Variants in SLC2A5 observed in about 807,000 individuals in gnomAD.
SLC2A5 encodes the protein solute carrier family 2 member 5, also known as solute carrier family 2, facilitated glucose transporter member 5.
SLC2A5 carries 56 observed loss-of-function variants against 50.3 expected under a neutral mutation model. The observed-to-expected ratio is 1.11, with a 90% CI of 0.90 to 1.39. The LOEUF (loss-of-function observed/expected upper bound fraction) is 1.39, where lower values mean the gene tolerates loss of function less well. Among genes scored for constraint, SLC2A5 ranks in the 40% most tolerant of loss-of-function variants. The pLI is 0.00. For missense variants in SLC2A5, 566 were observed against 650.1 expected, an observed-to-expected ratio of 0.87 and a Z score of 1.41; for synonymous variants, 269 against 281.9, an observed-to-expected ratio of 0.95 and a Z score of 0.46.
rs951646517 is a variant in SLC2A5 at position 9,063,991 on chromosome 1, G to A, written c.33+5513C>T. On this transcript the variant is annotated intron_variant, in intron 1 of 11. Coordinates refer to ENST00000377424, the MANE Select transcript of SLC2A5 (RefSeq NM_003039.3). The stretch of plus-strand genomic sequence containing the variant: ...ATTACAGGCGTGAGCCACCGCGCCC[G>A]GCCTATTTACATTTTTTATAGAGAC... Among the ~76,000 whole-genome samples the A allele has an allele frequency of 3.1e-5, 4 of 130,410 alleles. 1 individual carries two copies. Among genetic ancestry groups the A allele is most frequent in the Non-Finnish European group, 4.8e-5 (3 of 62,318 alleles). The allele number at this position is 130,410 out of a possible 152,430, so 85.6% of individuals were successfully genotyped here. A position where few individuals can be genotyped will look rare whatever the true frequency, so the allele number is the denominator to read the frequency against.
chr1:9,088,609 C>G (rs1642427108), upstream of SLC2A5: 1 of 152,338 alleles, frequency 6.6e-6, no homozygotes, highest in African/African-American at 2.4e-5. Flanking sequence ...GGTGAAATCC[C>G]GTCTCTACTA....
At chr1:9,041,246 G>C (rs1641294381) in intron 5 of SLC2A5, 1 of 398,614 alleles carries the variant, frequency 2.5e-6, no homozygotes, top group African/African-American at 2.1e-5. Context: ...ACAGGTGTCT[G>C]TGCACCTGCC....
intron 1 of SLC2A5, among the ~76,000 whole-genome samples, chr1:9,059,774 T>A (rs1313138556): frequency 6.6e-6 from 1 of 151,914 alleles, no homozygotes; most frequent in African/African-American, 2.4e-5. Context: ...GCTCAAGCGA[T>A]CCTCCTGCCT....
At chr1:9,081,428 T>C (rs1163735771) in intron 2 of SLC2A5, among the ~76,000 whole-genome samples, 2 of 133,080 alleles carry the variant, frequency 1.5e-5, no homozygotes, top group Non-Finnish European at 3.2e-5. Context: ...AGATCAGGAG[T>C]TCAAGTCCAG....
At chr1:9,058,525 C>T (rs1268614771) in intron 1 of SLC2A5, among the ~76,000 whole-genome samples, 1 of 152,166 alleles carries the variant, frequency 6.6e-6, no homozygotes, top group East Asian at 1.9e-4. Context: ...CCAGTAGCAC[C>T]CCTCTCCCCA....
chr1:9,051,412 A>G (rs1641574013), intron 3 of SLC2A5, among the ~76,000 whole-genome samples: 1 of 152,204 alleles, frequency 6.6e-6, no homozygotes, highest in Non-Finnish European at 1.5e-5. Context: ...CATATCTAAA[A>G]GCACTGTTGT....
At chr1:9,055,577 C>T (rs1054794649) in intron 3 of SLC2A5, among the ~76,000 whole-genome samples, 10 of 151,886 alleles carry the variant, frequency 6.6e-5, no homozygotes, top group African/African-American at 2.4e-4. Context: ...ACAGTCAGGA[C>T]AGTGCCTGGC....
chr1:9,075,079 A>C (rs1389768933), intron 2 of SLC2A5, among the ~76,000 whole-genome samples: 1 of 152,090 alleles, frequency 6.6e-6, no homozygotes, highest in Non-Finnish European at 1.5e-5. Context: ...AGTCCTAATT[A>C]GGGAAAAGGA....
At chr1:9,039,037 C>T (rs1557661007) in intron 8 of SLC2A5, 108 bp from the exon 9 acceptor site, 1 of 1,250,390 alleles carries the variant, frequency 8.0e-7, no homozygotes, top group East Asian at 2.5e-5. Context: ...GGTGCCCACC[C>T]ATGTGCACGC....
intron 4 of SLC2A5, among the ~76,000 whole-genome samples, chr1:9,046,037 C>T (rs1355985905): frequency 6.6e-6 from 1 of 152,110 alleles, no homozygotes; most frequent in African/African-American, 2.4e-5. Flanking sequence ...CTGTTACTGC[C>T]AATTAATCCT....
At chr1:9,079,411 A>G (rs1173577039) in intron 2 of SLC2A5, among the ~76,000 whole-genome samples, 1 of 152,200 alleles carries the variant, frequency 6.6e-6, no homozygotes, top group African/African-American at 2.4e-5. Context: ...GGAGCAGCAG[A>G]GGCTCTTCAG....
intron 1 of SLC2A5, among the ~76,000 whole-genome samples, chr1:9,065,984 G>A (rs1390807573): frequency 6.6e-6 from 1 of 152,076 alleles, no homozygotes; most frequent in African/African-American, 2.4e-5. Flanking sequence ...TACCACCACA[G>A]GAATAAATGA....
At chr1:9,077,760 A>AGAGGGAGG (rs897950832) in intron 2 of SLC2A5, among the ~76,000 whole-genome samples, 1 of 101,858 alleles carries the variant, frequency 9.8e-6, no homozygotes, top group Non-Finnish European at 1.9e-5. Context: ...AGGGAGGGAG[A>AGAGGGAGG]GAGGGAGGGA....
chr1:9,060,953 A>C (rs1471414954), intron 1 of SLC2A5, among the ~76,000 whole-genome samples: 1 of 119,024 alleles, frequency 8.4e-6, no homozygotes, highest in African/African-American at 3.0e-5. Context: ...ACAAAGAGAG[A>C]GGGGTGGGGG....
At chr1:9,055,079 C>T (rs994233800) in intron 3 of SLC2A5, among the ~76,000 whole-genome samples, 3 of 152,136 alleles carry the variant, frequency 2.0e-5, no homozygotes, top group African/African-American at 7.2e-5. Context: ...GATATTTTCC[C>T]TAAGTAACAA....
intron 4 of SLC2A5, among the ~76,000 whole-genome samples, chr1:9,043,836 C>G (rs979719283): frequency 6.6e-6 from 1 of 151,886 alleles, no homozygotes; most frequent in Non-Finnish European, 1.5e-5. Context: ...ATTCTCCTGC[C>G]TCAGCCTCCT....
intron 2 of SLC2A5, among the ~76,000 whole-genome samples, chr1:9,081,518 T>A (rs1343221317): frequency 1.5e-5 from 2 of 137,696 alleles, no homozygotes; most frequent in Admixed American, 7.3e-5. Flanking sequence ...AGAAGAAAAA[T>A]TTTTGCAAAT....
At chr1:9,058,103 G>A in intron 2 of SLC2A5, 49 bp downstream of exon 2, 1 of 1,417,644 alleles carries the variant, frequency 7.1e-7, no homozygotes, top group Non-Finnish European at 1.0e-6. Context: ...CCCAGGCAAT[G>A]GGCTGCTCCA....
chr1:9,040,387 C>G lies in SLC2A5; in HGVS notation c.572-198G>C, dbSNP rs185042157. 266 of 634,658 alleles carry G rather than the reference C, an allele frequency of 4.2e-4. 2 individuals are homozygous for G. The African/African-American group carries it at 4.6e-3, about 11-fold the overall frequency. 39.3% of individuals were successfully genotyped at this position (634,658 alleles called of 1,614,324 possible). ...GCAGCAGGGATCAGCAGCGACGCAC[C>G]CCTGCGCCCATCAGACAGACCACAC... is the stretch of plus-strand genomic sequence containing the variant. On this transcript the variant is annotated intron_variant, in intron 5 of 11. Coordinates refer to ENST00000377424, the MANE Select transcript of SLC2A5 (RefSeq NM_003039.3). The surrounding 1 kb of genome is among the most constrained non-coding windows in gnomAD (Gnocchi z 4.3).
Sources: gnomAD v4.1 joint callset for allele counts (sites outside exome capture counted in the v4.1 genomes callset) on GRCh38, gnomAD v4.1.1 for gene constraint, Gnocchi (gnomAD v3.1) non-coding constraint, MANE v1.5 for transcripts, NCBI Gene and HGNC (gene_info 2026-07-23, HGNC 2026-07-21) for gene names.